SLC25A26: variants seen among roughly 807,000 people sequenced by gnomAD.
The protein encoded by SLC25A26 is mitochondrial S-adenosylmethionine carrier protein.
In SLC25A26, 36 loss-of-function variants were observed where a neutral mutation model predicts 37.8. That is an observed-to-expected ratio of 0.95 (90% CI 0.73 to 1.26). The LOEUF is 1.26. Among genes scored for constraint, SLC25A26 ranks in the 50% most tolerant of loss-of-function variants. The pLI is 0.00. For missense variants in SLC25A26, 390 were observed against 331.1 expected (o/e 1.18, Z -1.38); for synonymous variants, 129 against 122.5 (o/e 1.05, Z -0.35).
chr3:66,141,573 C>G (rs1005282139), intron 1 of SLC25A26, among the ~76,000 whole-genome samples: 9 of 151,502 alleles, frequency 5.9e-5, no homozygotes, highest in Non-Finnish European at 1.0e-4. Flanking sequence ...AGTGCAGTGG[C>G]ATGATCTTGG....
chr3:66,220,891 A>G (rs1576648676), upstream of SLC25A26: 4 of 617,130 alleles, frequency 6.5e-6, no homozygotes, highest in East Asian at 6.2e-5. Flanking sequence ...GCTCCACCAC[A>G]CTCCCCGAGG....
At chr3:66,166,166 A>G (rs1341247466) in intron 1 of SLC25A26, among the ~76,000 whole-genome samples, 1 of 152,220 alleles carries the variant, frequency 6.6e-6, no homozygotes, top group Non-Finnish European at 1.5e-5. Context: ...CTATCAGATG[A>G]ACATAGAATT....
At chr3:66,168,372 A>T (rs1474914825) in intron 1 of SLC25A26, among the ~76,000 whole-genome samples, 1 of 152,032 alleles carries the variant, frequency 6.6e-6, no homozygotes, top group Non-Finnish European at 1.5e-5. Context: ...CCTCGACTTC[A>T]TCTGCACTAA....
intron 6 of SLC25A26, among the ~76,000 whole-genome samples, chr3:66,358,530 G>A (rs1458684073): frequency 6.6e-6 from 1 of 152,184 alleles, no homozygotes; most frequent in Non-Finnish European, 1.5e-5. Flanking sequence ...TGTGTTACCA[G>A]GACAACTATA....
intron 5 of SLC25A26, among the ~76,000 whole-genome samples, chr3:66,273,641 C>T (rs1439663831): frequency 6.6e-6 from 1 of 152,082 alleles, no homozygotes; most frequent in Admixed American, 6.6e-5. Context: ...AGTGAACTCC[C>T]ATTCACAATT....
At chr3:66,275,142 A>G (rs1225787474) in intron 5 of SLC25A26, among the ~76,000 whole-genome samples, 2 of 151,548 alleles carry the variant, frequency 1.3e-5, no homozygotes, top group African/African-American at 4.8e-5. Flanking sequence ...TCAGTAAACT[A>G]TCGCAAGGAC....
At chr3:66,226,583 G>T (rs782763571) in intron 1 of SLC25A26, among the ~76,000 whole-genome samples, 1 of 151,946 alleles carries the variant, frequency 6.6e-6, no homozygotes, top group Non-Finnish European at 1.5e-5. Flanking sequence ...TGAGTAGCTG[G>T]GACTAGAGGC....
intron 5 of SLC25A26, among the ~76,000 whole-genome samples, chr3:66,336,402 G>A (rs774578831): frequency 2.4e-4 from 36 of 152,136 alleles, no homozygotes; most frequent in Non-Finnish European, 4.3e-4. Flanking sequence ...GAAAGACAAT[G>A]GAACTGTACA....
At chr3:66,208,583 C>T (rs2071211194) in intron 1 of SLC25A26, among the ~76,000 whole-genome samples, 2 of 149,384 alleles carry the variant, frequency 1.3e-5, no homozygotes, top group South Asian at 4.2e-4. Flanking sequence ...CTTCTTTCGC[C>T]TATTTAATTT....
At chr3:66,280,698 A>G (rs1228401910) in intron 5 of SLC25A26, among the ~76,000 whole-genome samples, 2 of 152,132 alleles carry the variant, frequency 1.3e-5, no homozygotes, top group African/African-American at 4.8e-5. Context: ...AGCTTTTTTG[A>G]AAAATTACAA....
intron 1 of SLC25A26, among the ~76,000 whole-genome samples, chr3:66,209,249 G>T (rs2071237888): frequency 7.4e-6 from 1 of 134,968 alleles, no homozygotes; most frequent in East Asian, 2.2e-4. Flanking sequence ...CCCATATAAA[G>T]GTGTATATAT....
chr3:66,249,014 G>T (rs781806521), intron 3 of SLC25A26, among the ~76,000 whole-genome samples: 4 of 152,124 alleles, frequency 2.6e-5, no homozygotes, highest in Non-Finnish European at 5.9e-5. Context: ...TACTGAATTG[G>T]CTCAGTAATT....
chr3:66,254,418 TCCCTGACC>T (rs1425188581), intron 3 of SLC25A26, among the ~76,000 whole-genome samples: 1 of 152,216 alleles, frequency 6.6e-6, no homozygotes, highest in Non-Finnish European at 1.5e-5. Context: ...CAGGGGTCTC[TCCCTGACC>T]CCCTGTCTTA....
intron 5 of SLC25A26, among the ~76,000 whole-genome samples, chr3:66,291,971 AT>A (rs1399871948): frequency 6.6e-6 from 1 of 152,128 alleles, no homozygotes; most frequent in Non-Finnish European, 1.5e-5. Flanking sequence ...TGCTTTATGA[AT>A]CTGGGTGCTC....
At chr3:66,157,880 A>G (rs145509736) in intron 1 of SLC25A26, among the ~76,000 whole-genome samples, 1,695 of 152,294 alleles carry the variant, frequency 0.011, 30 homozygotes, top group African/African-American at 0.039. Flanking sequence ...CAAACTTTCT[A>G]TTCAAATTCA....
chr3:66,244,925 C>T (rs1422404800), intron 3 of SLC25A26, among the ~76,000 whole-genome samples: 1 of 151,954 alleles, frequency 6.6e-6, no homozygotes, highest in South Asian at 2.1e-4. Context: ...TGCAGTGAGC[C>T]GAGATCAAGC....
intron 1 of SLC25A26, among the ~76,000 whole-genome samples, chr3:66,180,980 C>G (rs2070694711): frequency 6.6e-6 from 1 of 152,070 alleles, no homozygotes; most frequent in African/African-American, 2.4e-5. Flanking sequence ...AGGAAAAAGG[C>G]CATGGGAGGA....
chr3:66,227,255 A>G (rs2071800737), intron 1 of SLC25A26, among the ~76,000 whole-genome samples: 1 of 152,226 alleles, frequency 6.6e-6, no homozygotes, highest in African/African-American at 2.4e-5. Flanking sequence ...TAGATTAATG[A>G]CAGCAGTGTG....
intron 1 of SLC25A26, among the ~76,000 whole-genome samples, chr3:66,147,790 G>T (rs1366694520): frequency 6.6e-6 from 1 of 151,806 alleles, no homozygotes; most frequent in Non-Finnish European, 1.5e-5. Context: ...ACAGAGCCTT[G>T]CTCTGTCACC....
Sources: gnomAD v4.1 joint callset for allele counts (sites outside exome capture counted in the v4.1 genomes callset) on GRCh38, gnomAD v4.1.1 for gene constraint, MANE v1.5 for transcripts, NCBI Gene and HGNC (gene_info 2026-07-23, HGNC 2026-07-21) for gene names.